The following TSNARE1 variants were observed in gnomAD, a reference collection of about 807,000 sequenced individuals.
The protein encoded by TSNARE1 is t-SNARE domain containing 1.
In TSNARE1, 49 loss-of-function variants were observed where a neutral mutation model predicts 62.0. The observed-to-expected ratio is 0.79, with a 90% CI of 0.63 to 1.00. TSNARE1 has a LOEUF of 1.00. TSNARE1 is among the 50% of genes least tolerant of loss of function. TSNARE1 has a pLI of 0.00. For synonymous variants in TSNARE1, 328 were observed against 294.4 expected (o/e 1.11, Z -1.17); for missense variants, 755 against 700.1 (o/e 1.08, Z -0.88).
At chr8:142,394,923 C>A (rs1193879504) in intron 1 of TSNARE1, among the ~76,000 whole-genome samples, 1 of 152,196 alleles carries the variant, frequency 6.6e-6, no homozygotes, top group Non-Finnish European at 1.5e-5. Context: ...GCCCTAGAAG[C>A]CAAGTCTCCA....
chr8:142,231,034 C>T (rs1817091379), intron 12 of TSNARE1, among the ~76,000 whole-genome samples: 1 of 151,866 alleles, frequency 6.6e-6, no homozygotes, highest in Non-Finnish European at 1.5e-5. Flanking sequence ...CATCTACCCA[C>T]CTATCCATCC....
intron 6 of TSNARE1, among the ~76,000 whole-genome samples, chr8:142,327,908 C>G (rs190536593): frequency 6.6e-6 from 1 of 152,082 alleles, no homozygotes; most frequent in Admixed American, 6.5e-5. Context: ...GGCAGTGGGC[C>G]AGCAGCCTCT....
intron 1 of TSNARE1, among the ~76,000 whole-genome samples, chr8:142,365,485 G>A (rs1186853763): frequency 6.6e-6 from 1 of 152,172 alleles, no homozygotes; most frequent in African/African-American, 2.4e-5. Context: ...TCAATGTCCT[G>A]ATCTTGATCA....
At chr8:142,231,484 C>CG (rs564738678) in intron 12 of TSNARE1, among the ~76,000 whole-genome samples, 19 of 152,032 alleles carry the variant, frequency 1.2e-4, no homozygotes, top group East Asian at 9.7e-4. Context: ...TACTGGTTGG[C>CG]GGGGGGGCAG....
chr8:142,293,380 C>T (rs575119669), intron 10 of TSNARE1, among the ~76,000 whole-genome samples: 176 of 152,364 alleles, frequency 1.2e-3, no homozygotes, highest in Non-Finnish European at 1.8e-3. Flanking sequence ...TGGACAGCCA[C>T]GGCCACACCT....
chr8:142,264,815 T>C (rs535099244), intron 12 of TSNARE1, among the ~76,000 whole-genome samples: 1 of 152,204 alleles, frequency 6.6e-6, no homozygotes, highest in African/African-American at 2.4e-5. Flanking sequence ...TTGTCAATAG[T>C]AAAGGTGTTA....
At chr8:142,352,589 C>A (rs1009931639) in intron 2 of TSNARE1, among the ~76,000 whole-genome samples, 15 of 152,394 alleles carry the variant, frequency 9.8e-5, no homozygotes, top group Admixed American at 9.1e-4. Flanking sequence ...CAGAACCCAA[C>A]GTGATGCAGC....
intron 1 of TSNARE1, among the ~76,000 whole-genome samples, chr8:142,399,413 G>A (rs537310655): frequency 1.3e-5 from 2 of 152,232 alleles, no homozygotes; most frequent in Non-Finnish European, 2.9e-5. Flanking sequence ...GTGGCAGACA[G>A]GGAGGTGTGG....
intron 1 of TSNARE1, among the ~76,000 whole-genome samples, chr8:142,371,195 G>C (rs933433658): frequency 6.6e-6 from 1 of 152,170 alleles, no homozygotes; most frequent in Non-Finnish European, 1.5e-5. Flanking sequence ...AATACACATT[G>C]AACTGATAGT....
At chr8:142,270,339 G>A (rs1355851846) in intron 12 of TSNARE1, 1 of 985,300 alleles carries the variant, frequency 1.0e-6, no homozygotes, top group African/African-American at 1.7e-5. Context: ...CGAGAAGCAG[G>A]CTCCAACTCA....
At chr8:142,261,106 G>GC (rs1818861539) in intron 12 of TSNARE1, among the ~76,000 whole-genome samples, 5 of 102,510 alleles carry the variant, frequency 4.9e-5, no homozygotes, top group Admixed American at 9.2e-5. Context: ...AAGAGAGGGG[G>GC]AGCAGGGAAG....
upstream of TSNARE1, chr8:142,403,669 G>A (rs1298343806): frequency 6.6e-6 from 1 of 152,206 alleles, no homozygotes; most frequent in East Asian, 1.9e-4. Context: ...GCCGGGGGCT[G>A]GCAGGCCCCG....
intron 12 of TSNARE1, chr8:142,269,335 C>A: frequency 1.5e-6 from 1 of 668,230 alleles, no homozygotes; most frequent in Non-Finnish European, 1.9e-6. Flanking sequence ...AGGGTCAAGG[C>A]TCAATGTGCA....
chr8:142,366,074 T>C, intron 1 of TSNARE1: 1 of 347,596 alleles, frequency 2.9e-6, no homozygotes, highest in Non-Finnish European at 5.6e-6. Context: ...GAGAAGGCTG[T>C]TGACCAGGCT....
At chr8:142,359,453 C>A (rs1259210066) in intron 1 of TSNARE1, among the ~76,000 whole-genome samples, 1 of 152,182 alleles carries the variant, frequency 6.6e-6, no homozygotes, top group African/African-American at 2.4e-5. Context: ...AGAACCCCCA[C>A]AGGATTGGTC....
intron 1 of TSNARE1, among the ~76,000 whole-genome samples, chr8:142,400,479 G>A (rs892022344): frequency 3.3e-5 from 5 of 152,028 alleles, no homozygotes; most frequent in African/African-American, 9.7e-5. Flanking sequence ...GGTGGCTCAT[G>A]CCTGTAATCC....
chr8:142,278,431 G>C, intron 11 of TSNARE1: 4 of 985,456 alleles, frequency 4.1e-6, no homozygotes, highest in Non-Finnish European at 4.8e-6. Context: ...TCCTGCTTCC[G>C]GGGCTTCGTT....
At chr8:142,374,864 G>A (rs961958859) in intron 1 of TSNARE1, among the ~76,000 whole-genome samples, 1 of 152,090 alleles carries the variant, frequency 6.6e-6, no homozygotes, top group East Asian at 1.9e-4. Context: ...CGCTGGCCTC[G>A]GGCTGCCCTG....
chr8:142,345,851 G>C lies in TSNARE1; in HGVS notation c.130C>G (p.Pro44Ala), dbSNP rs1833286994. The C allele has an allele frequency of 6.2e-7, 1 of 1,613,958 alleles. No homozygotes were observed. Among genetic ancestry groups the C allele is most frequent in the Non-Finnish European group, 8.5e-7 (1 of 1,179,904 alleles). The part of the protein sequence containing the change: ...CWTEYGIRHF[P>A]CPSPESKLQN... ...AGCTTGCTCTCTGGCGACGGGCAGG[G>C]GAAATGGCGGATTCCATACTCGGTC... Residue 44 changes from proline to alanine, a missense_variant, in exon 3 of 14, where the codon CCC (proline) becomes GCC (alanine). By Grantham distance (27) the Pro-to-Ala change is conservative. Transcript: ENST00000524325.
Sources: gnomAD v4.1 joint callset for allele counts (sites outside exome capture counted in the v4.1 genomes callset) on GRCh38, gnomAD v4.1.1 for gene constraint, MANE v1.5 for transcripts, NCBI Gene and HGNC (gene_info 2026-07-23, HGNC 2026-07-21) for gene names.